Variants in CDYL observed in about 807,000 individuals in gnomAD.
CDYL encodes the protein chromodomain Y-like protein.
CDYL carries 8 observed loss-of-function variants against 47.3 expected under a neutral mutation model. That is an observed-to-expected ratio of 0.17 (90% CI 0.10 to 0.31). The LOEUF is 0.31. CDYL is among the 10% of genes least tolerant of loss of function. CDYL has a pLI of 1.00. For missense variants in CDYL, 471 were observed against 701.4 expected, an observed-to-expected ratio of 0.67 and a Z score of 3.71; for synonymous variants, 266 against 265.0, an observed-to-expected ratio of 1.00 and a Z score of -0.04.
chr6:4,724,128 C>T (rs1165897001), intron 2 of CDYL, among the ~76,000 whole-genome samples: 1 of 152,204 alleles, frequency 6.6e-6, no homozygotes, highest in African/African-American at 2.4e-5. Flanking sequence ...ATAACCTTGA[C>T]CTCCTGGGTT....
At position 4,952,313 on chromosome 6, in the gene CDYL, G is replaced by C. The variant is rs549561311; in HGVS notation, c.1380G>C (p.Ala460=). 6.2e-7 allele frequency: 1 copy of C among 1,614,062 alleles called. No homozygotes were observed. Among genetic ancestry groups the C allele is most frequent in the African/African-American group, 1.3e-5 (1 of 74,922 alleles). ...LSGRKLTAQE[A]CGKGLVSQVF... ...GACGGAAGCTGACAGCGCAGGAGGCGTGTGGCAAGGGCCTGGTCTCCCAGG... is the reference window on the plus strand; with the variant it reads ...GACGGAAGCTGACAGCGCAGGAGGCCTGTGGCAAGGGCCTGGTCTCCCAGG... Residue 460 remains alanine, a synonymous_variant, in exon 6 of 7, where the codon GCG becomes GCC. Transcript: ENST00000397588.
At chr6:4,769,963 ATTTGTGTGTG>A (rs749016666) in intron 3 of CDYL, among the ~76,000 whole-genome samples, 5 of 113,464 alleles carry the variant, frequency 4.4e-5, no homozygotes, top group African/African-American at 1.6e-4. Flanking sequence ...CGCCCGGCTA[ATTTGTGTGTG>A]TGTGTGTGTG....
rs374972337 is a variant in CDYL, at chr6:4,795,123, A to G, written c.24+18316A>G. Among the ~76,000 whole-genome samples, 70 of 152,046 alleles carry G rather than the reference A, an allele frequency of 4.6e-4. 2 individuals carry two copies. In the East Asian group the frequency reaches 0.014, roughly 29 times the overall value. On this transcript the variant is annotated intron_variant, in intron 1 of 6. Coordinates refer to ENST00000397588, the MANE Select transcript of CDYL (RefSeq NM_004824.4). ...CTGTAAAATTTTACTATTAAATAAAAGCTGTGAATATTTGTTAGATGCTCT... is the reference window on the plus strand; with the variant it reads ...CTGTAAAATTTTACTATTAAATAAAGGCTGTGAATATTTGTTAGATGCTCT...
At chr6:4,820,617 C>T (rs78277057) in intron 1 of CDYL, among the ~76,000 whole-genome samples, 4,041 of 152,172 alleles carry the variant, frequency 0.027, 184 homozygotes, top group African/African-American at 0.092. Context: ...GTTATGTTCT[C>T]CCCCACCAGA....
chr6:4,837,401 G>A (rs374468707), intron 1 of CDYL, among the ~76,000 whole-genome samples: 7 of 151,394 alleles, frequency 4.6e-5, no homozygotes, highest in African/African-American at 1.5e-4. Flanking sequence ...ACGTCAGTGC[G>A]TTACAATAAA....
At chr6:4,811,278 A>G (rs780996662) in intron 1 of CDYL, among the ~76,000 whole-genome samples, 1 of 152,242 alleles carries the variant, frequency 6.6e-6, no homozygotes, top group Non-Finnish European at 1.5e-5. Context: ...TAAAGATAGA[A>G]CTAGCAGTTG....
At chr6:4,880,588 T>C (rs1761737879) in intron 1 of CDYL, among the ~76,000 whole-genome samples, 1 of 152,238 alleles carries the variant, frequency 6.6e-6, no homozygotes, top group African/African-American at 2.4e-5. Context: ...TAAGAGTATG[T>C]TTCAGTTTGT....
At chr6:4,831,865 G>T (rs1192465383) in intron 1 of CDYL, among the ~76,000 whole-genome samples, 3 of 152,028 alleles carry the variant, frequency 2.0e-5, no homozygotes, top group South Asian at 2.1e-4. Context: ...CTCATGATTT[G>T]GCTCTCTGTT....
rs113113323 is a variant in CDYL at position 4,816,252 on chromosome 6, G to GTTT, written c.24+39455_24+39457dup. ...AAGCACGCAAATCTCTCGCGTCCCT[G>GTTT]TTTTTTTTTTTTGTCAAAATTCTCT... On this transcript the variant is annotated intron_variant, in intron 1 of 6. Coordinates refer to ENST00000397588, the MANE Select transcript of CDYL (RefSeq NM_004824.4). Among the ~76,000 whole-genome samples the GTTT allele has an allele frequency of 7.7e-4, 109 of 142,324 alleles. 1 individual carries two copies. Among genetic ancestry groups the GTTT allele is most frequent in the East Asian group, 2.4e-3 (12 of 4,914 alleles). The allele number at this position is 142,324 out of a possible 152,430, so 93.4% of individuals were successfully genotyped here.
chr6:4,926,035 C>T (rs751756384), intron 2 of CDYL, among the ~76,000 whole-genome samples: 12 of 152,136 alleles, frequency 7.9e-5, no homozygotes, highest in Admixed American at 3.3e-4. Flanking sequence ...TCCTAACCAC[C>T]GAGTTTTTTA....
At chr6:4,776,990 G>C (rs1758477507) in intron 1 of CDYL, among the ~76,000 whole-genome samples, 183 bp downstream of exon 1, 1 of 150,558 alleles carries the variant, frequency 6.6e-6, no homozygotes, top group Non-Finnish European at 1.5e-5. Context: ...GAGGGGCCCC[G>C]GCCGGGGGGT....
intron 2 of CDYL, among the ~76,000 whole-genome samples, chr6:4,909,391 C>T (rs559307069): frequency 6.6e-6 from 1 of 152,308 alleles, no homozygotes; most frequent in East Asian, 1.9e-4. Context: ...TCCTTATTAT[C>T]AGCTCTGCTG....
intron 1 of CDYL, among the ~76,000 whole-genome samples, chr6:4,794,110 T>G (rs951409040): frequency 2.6e-5 from 4 of 152,108 alleles, no homozygotes; most frequent in African/African-American, 9.7e-5. Context: ...GTGCATTTAA[T>G]CATCCAGGAG....
chr6:4,741,241 T>C lies in CDYL; in HGVS notation c.186+6397T>C, dbSNP rs553389098. 2.6e-5 allele frequency among the ~76,000 whole-genome samples: 4 copies of C among 152,278 alleles called. No homozygotes were observed. The East Asian group carries it at 7.7e-4, about 29-fold the overall frequency. Reference sequence around the variant, plus strand: ...TCTTTTCAACCTCCCAGGAAATAGTTCAACTGATCCATGGACCAGATGTCA... The same window carrying C: ...TCTTTTCAACCTCCCAGGAAATAGTCCAACTGATCCATGGACCAGATGTCA... On this transcript the variant is annotated intron_variant, in intron 3 of 8. Transcript: ENST00000328908.
chr6:4,894,918 TACAC>T (rs1561692426), intron 2 of CDYL, among the ~76,000 whole-genome samples: 2 of 140,766 alleles, frequency 1.4e-5, no homozygotes, highest in Non-Finnish European at 3.0e-5. Context: ...TGTGTATATA[TACAC>T]ATATGTATGT....
chr6:4,835,511 A>C (rs894068954), intron 1 of CDYL, among the ~76,000 whole-genome samples: 11 of 152,198 alleles, frequency 7.2e-5, no homozygotes, highest in African/African-American at 2.7e-4. Flanking sequence ...TAGGCTGCTC[A>C]GGGGTCAGGG....
chr6:4,805,675 G>A (rs910174644), intron 1 of CDYL, among the ~76,000 whole-genome samples: 5 of 152,176 alleles, frequency 3.3e-5, no homozygotes, highest in Admixed American at 6.5e-5. Context: ...GGGAACCAGG[G>A]GCAGTGACGT....
intron 2 of CDYL, among the ~76,000 whole-genome samples, chr6:4,904,717 T>C (rs1290382060): frequency 6.6e-6 from 1 of 152,184 alleles, no homozygotes; most frequent in Non-Finnish European, 1.5e-5. Context: ...CATTTCTGTC[T>C]GCAGTTTAAG....
At chr6:4,821,846 C>CGT (rs1393392814) in intron 1 of CDYL, among the ~76,000 whole-genome samples, 1 of 151,994 alleles carries the variant, frequency 6.6e-6, no homozygotes, top group Non-Finnish European at 1.5e-5. Context: ...TATGCACCTA[C>CGT]ATTGTCCATT....
Sources: allele counts gnomAD v4.1 joint callset (sites outside exome capture counted in the v4.1 genomes callset), GRCh38; gene constraint gnomAD v4.1.1; transcripts MANE v1.5; gene names NCBI Gene and HGNC (gene_info 2026-07-23, HGNC 2026-07-21).